GRIK1: variants seen among roughly 807,000 people sequenced by gnomAD.
GRIK1 encodes glutamate ionotropic receptor kainate type subunit 1, also known as glutamate receptor ionotropic, kainate 1.
In GRIK1, 69 loss-of-function variants were observed where a neutral mutation model predicts 105.7. The ratio of observed to expected loss-of-function variants is 0.65; its 90% CI spans 0.54 to 0.80. The LOEUF (loss-of-function observed/expected upper bound fraction) is 0.80, where lower values mean the gene tolerates loss of function less well. Among genes scored for constraint, GRIK1 ranks in the 30% least tolerant of loss-of-function variants. The pLI, the probability that GRIK1 is intolerant of heterozygous loss-of-function variation, is 0.00. For synonymous variants in GRIK1, 438 were observed against 431.3 expected, an observed-to-expected ratio of 1.02 and a Z score of -0.19; for missense variants, 1,109 against 1,167.3, an observed-to-expected ratio of 0.95 and a Z score of 0.73.
intron 7 of GRIK1, among the ~76,000 whole-genome samples, chr21:29,639,830 A>G (rs1049436231): frequency 6.6e-6 from 1 of 152,186 alleles, no homozygotes; most frequent in Non-Finnish European, 1.5e-5. Flanking sequence ...ATAATCTCCT[A>G]GCATGCATTT....
At chr21:29,862,052 T>C (rs2146095163) in intron 1 of GRIK1, among the ~76,000 whole-genome samples, 1 of 152,278 alleles carries the variant, frequency 6.6e-6, no homozygotes, top group South Asian at 2.1e-4. Context: ...AATGGCATGA[T>C]CATGGCTCAC....
intron 1 of GRIK1, among the ~76,000 whole-genome samples, chr21:29,868,904 CAG>C (rs2068918646): frequency 6.6e-6 from 1 of 152,130 alleles, no homozygotes; most frequent in African/African-American, 2.4e-5. Context: ...CCTGAAAAAA[CAG>C]AGGTTTGTTG....
intron 1 of GRIK1, among the ~76,000 whole-genome samples, chr21:29,803,611 C>T (rs2256478): frequency 0.41 from 62,794 of 151,900 alleles, 14,464 homozygotes; most frequent in South Asian, 0.55. Context: ...AGTAAATGGC[C>T]CCATGTGCAC....
chr21:29,811,576 T>C (rs1055363937), intron 1 of GRIK1, among the ~76,000 whole-genome samples: 2 of 152,102 alleles, frequency 1.3e-5, no homozygotes, highest in African/African-American at 4.8e-5. Flanking sequence ...AAAGCAGTGG[T>C]TCTCTACCTC....
At chr21:29,699,420 G>A (rs1054177140) in intron 1 of GRIK1, among the ~76,000 whole-genome samples, 3 of 152,140 alleles carry the variant, frequency 2.0e-5, no homozygotes, top group African/African-American at 7.2e-5. Flanking sequence ...GCACACAGAG[G>A]AAAGGCCATG....
At chr21:29,541,209 A>AC (rs926129907) in intron 16 of GRIK1, among the ~76,000 whole-genome samples, 2 of 151,826 alleles carry the variant, frequency 1.3e-5, no homozygotes, top group African/African-American at 2.4e-5. Context: ...CTCATGATCC[A>AC]CCCCCCTTGG....
chr21:29,621,234 A>G (rs2061994705), intron 7 of GRIK1, among the ~76,000 whole-genome samples: 1 of 152,222 alleles, frequency 6.6e-6, no homozygotes, highest in Admixed American at 6.5e-5. Flanking sequence ...TTTCTGAATC[A>G]TAAATCTTTG....
At chr21:29,929,666 A>G (rs2071500170) in intron 1 of GRIK1, among the ~76,000 whole-genome samples, 1 of 152,264 alleles carries the variant, frequency 6.6e-6, no homozygotes, top group Non-Finnish European at 1.5e-5. Flanking sequence ...AAGAAAATTA[A>G]CAAATGCTGG....
intron 1 of GRIK1, among the ~76,000 whole-genome samples, chr21:29,786,279 G>A (rs1338522897): frequency 6.6e-6 from 1 of 152,168 alleles, no homozygotes; most frequent in Non-Finnish European, 1.5e-5. Context: ...GAGCCACAGC[G>A]CCCAGCCTCA....
chr21:29,652,289 T>C (rs3026013), intron 5 of GRIK1, among the ~76,000 whole-genome samples: 2 of 152,114 alleles, frequency 1.3e-5, no homozygotes. Flanking sequence ...TGCCACAAAG[T>C]GAAATTTGAA....
intron 1 of GRIK1, among the ~76,000 whole-genome samples, chr21:29,759,249 C>A (rs981722634): frequency 6.6e-6 from 1 of 151,962 alleles, no homozygotes; most frequent in Non-Finnish European, 1.5e-5. Flanking sequence ...TCCCGAGTAG[C>A]TGGGACTACA....
chr21:29,712,091 C>T (rs936950756), intron 1 of GRIK1, among the ~76,000 whole-genome samples: 80 of 138,260 alleles, frequency 5.8e-4, no homozygotes, highest in African/African-American at 1.4e-3. Flanking sequence ...CATACACACA[C>T]ACACACACAC....
intron 1 of GRIK1, among the ~76,000 whole-genome samples, chr21:29,694,768 C>A (rs1316696884): frequency 3.9e-5 from 6 of 152,156 alleles, no homozygotes; most frequent in Non-Finnish European, 8.8e-5. Flanking sequence ...GAATGAAGAT[C>A]TTTCTATTCA....
intron 1 of GRIK1, among the ~76,000 whole-genome samples, chr21:29,717,982 A>C (rs998663668): frequency 2.0e-5 from 3 of 152,032 alleles, no homozygotes; most frequent in African/African-American, 7.2e-5. Context: ...CATGTTAGTG[A>C]GTGAGTTCTC....
chr21:29,939,347 CA>C (rs2071891097), intron 1 of GRIK1, 35 bp downstream of exon 1: 2 of 1,248,458 alleles, frequency 1.6e-6, no homozygotes, highest in Non-Finnish European at 2.3e-6. Context: ...GGCGACCGAC[CA>C]CGTCTCCCGA....
intron 14 of GRIK1, among the ~76,000 whole-genome samples, chr21:29,575,230 TCCTAA>T (rs1173425706): frequency 6.6e-6 from 1 of 152,180 alleles, no homozygotes; most frequent in Non-Finnish European, 1.5e-5. Flanking sequence ...TACTTTTTTT[TCCTAA>T]CCTTAGTTTT....
At chr21:29,584,355 G>T (rs2091086154) in intron 12 of GRIK1, among the ~76,000 whole-genome samples, 1 of 152,028 alleles carries the variant, frequency 6.6e-6, no homozygotes, top group Non-Finnish European at 1.5e-5. Context: ...TTTTTAAGAA[G>T]ACGAACATAA....
chr21:29,853,346 G>A (rs947848789), intron 1 of GRIK1, among the ~76,000 whole-genome samples: 10 of 152,198 alleles, frequency 6.6e-5, no homozygotes, highest in Admixed American at 3.9e-4. Context: ...CGTAGGATAT[G>A]TGGCAGCACC....
chr21:29,572,529 G>C (rs1568832856), intron 14 of GRIK1, among the ~76,000 whole-genome samples: 1 of 151,966 alleles, frequency 6.6e-6, no homozygotes, highest in Non-Finnish European at 1.5e-5. Context: ...TGAAAACATA[G>C]TTTTCTGAAT....
Sources: gnomAD v4.1 joint callset for allele counts (sites outside exome capture counted in the v4.1 genomes callset) on GRCh38, gnomAD v4.1.1 for gene constraint, MANE v1.5 for transcripts, NCBI Gene and HGNC (gene_info 2026-07-23, HGNC 2026-07-21) for gene names.